AGO2: variants seen among roughly 807,000 people sequenced by gnomAD.
The protein encoded by AGO2 is protein argonaute-2.
A neutral mutation model predicts 102.3 loss-of-function variants in AGO2; 5 were observed. That is an observed-to-expected ratio of 0.05 (90% CI 0.03 to 0.10). The LOEUF is 0.10. Ranked by LOEUF, AGO2 falls within the 10% of genes least tolerant of loss-of-function variation. AGO2 has a pLI of 1.00. For missense variants in AGO2, 541 were observed against 1,183.7 expected (o/e 0.46, Z 7.97); for synonymous variants, 449 against 473.1 (o/e 0.95, Z 0.66).
chr8:140,590,402 G>A (rs1000643900), intron 1 of AGO2, among the ~76,000 whole-genome samples: 11 of 151,962 alleles, frequency 7.2e-5, no homozygotes, highest in Admixed American at 1.3e-4. Context: ...AAACACGGAC[G>A]CCGAGGAAGC....
In AGO2 at chr8:140,567,465, C is replaced by A. The variant is rs751541976; in HGVS notation, c.337-4831G>T. On this transcript the variant is annotated intron_variant, in intron 3 of 18. Transcript: ENST00000220592. The surrounding 1 kb of genome is among the most constrained non-coding windows in gnomAD (Gnocchi z 5.0). ...ATGACATCTGAAGGTCACTCCCAGC[C>A]CTGCTGCCTCCCGTGTTCTAACCTC... is the stretch of plus-strand genomic sequence containing the variant. Among the ~76,000 whole-genome samples the A allele has an allele frequency of 1.2e-4, 19 of 152,248 alleles. No individual in the cohort carries two copies. The highest frequency in any genetic ancestry group is 2.5e-4 in the Non-Finnish European group (17 of 68,046).
At chr8:140,547,761 G>T in intron 12 of AGO2, 134 bp from the exon 13 acceptor site, 1 of 1,253,656 alleles carries the variant, frequency 8.0e-7, no homozygotes, top group Non-Finnish European at 1.1e-6. Context: ...AGCTTTGCGT[G>T]TCCCCCTCTG....
At position 140,532,064 on chromosome 8, in the gene AGO2, G is replaced by A. The variant is rs1324425100; in HGVS notation, c.2560C>T (p.Arg854Cys). 2 of 1,614,022 alleles carry A rather than the reference G, an allele frequency of 1.2e-6. No homozygotes were observed. Among genetic ancestry groups the A allele is most frequent in the Non-Finnish European group, 1.7e-6 (2 of 1,180,012 alleles). Residue 854 changes from arginine (R) to cysteine (C), a missense_variant, in exon 19 of 19, where the codon CGC becomes TGC. Arg to Cys is a radical substitution (Grantham distance 180). Coordinates refer to ENST00000220592, the MANE Select transcript of AGO2 (RefSeq NM_012154.5). ...KAVQVHQDTLRTMYFA is the reference protein window; with the variant it reads ...KAVQVHQDTLCTMYFA ...ACATGTCAAGCAAAGTACATGGTGCGCAGAGTGTCTTGGTGAACCTGGACC... is the reference window on the plus strand; with the variant it reads ...ACATGTCAAGCAAAGTACATGGTGCACAGAGTGTCTTGGTGAACCTGGACC...
chr8:140,619,573 G>C (rs1475970988), intron 1 of AGO2, among the ~76,000 whole-genome samples: 1 of 152,180 alleles, frequency 6.6e-6, no homozygotes, highest in Non-Finnish European at 1.5e-5. Flanking sequence ...GCGCCGCAGA[G>C]CACAGAAGAG....
At chr8:140,598,421 T>A (rs2073880863) in intron 1 of AGO2, among the ~76,000 whole-genome samples, 1 of 152,262 alleles carries the variant, frequency 6.6e-6, no homozygotes, top group Non-Finnish European at 1.5e-5. Context: ...TTCGCAGCCA[T>A]CTTTCCTACG....
chr8:140,557,295 GC>G lies in AGO2; in HGVS notation c.879-60del. 1 of 1,529,470 alleles carries G rather than the reference GC, an allele frequency of 6.5e-7. No homozygotes were observed. The highest frequency in any genetic ancestry group is 1.4e-5 in the African/African-American group (1 of 72,296). 94.7% of individuals were successfully genotyped at this position (1,529,470 alleles called of 1,614,324 possible). The stretch of plus-strand genomic sequence containing the variant: ...ATCCCGGAGCCCCTTCCCCTGCGCT[GC>G]TTTTCATTTGCGTTTGCTTTTTAGG... On this transcript the variant is annotated intron_variant, in intron 7 of 18. Coordinates refer to ENST00000220592, the MANE Select transcript of AGO2 (RefSeq NM_012154.5). The surrounding 1 kb of genome is among the most constrained non-coding windows in gnomAD (Gnocchi z 5.9).
chr8:140,578,800 G>A (rs539758464), intron 2 of AGO2, among the ~76,000 whole-genome samples: 6 of 152,260 alleles, frequency 3.9e-5, no homozygotes, highest in East Asian at 1.9e-4. Flanking sequence ...AAAGGGCAGC[G>A]CCAAGCAGCA....
rs1160127903 is a variant in AGO2 at position 140,523,740 on chromosome 8, T to C, written c.*8304A>G. 1 of 152,224 alleles carries C rather than the reference T, an allele frequency of 6.6e-6. No homozygotes were observed. 9.4% of individuals were successfully genotyped at this position (152,224 alleles called of 1,614,324 possible). A position where few individuals can be genotyped will look rare whatever the true frequency, so the allele number is the denominator to read the frequency against. On this transcript the variant is annotated 3_prime_UTR_variant, in exon 19 of 19. Coordinates refer to ENST00000220592, the MANE Select transcript of AGO2 (RefSeq NM_012154.5). ...TAGGATTTGAGTCACGCGTGTCTGT[T>C]TGGCTTTGAAGAGGAACTGGGATGG...
intron 1 of AGO2, among the ~76,000 whole-genome samples, chr8:140,633,733 G>A (rs752442583): frequency 2.0e-5 from 3 of 152,182 alleles, no homozygotes; most frequent in Non-Finnish European, 4.4e-5. Context: ...AAGGCACCCA[G>A]AGAACCAGCT....
chr8:140,635,387 CCCCCCGAT>C, intron 1 of AGO2, 90 bp downstream of exon 1: 3 of 837,654 alleles, frequency 3.6e-6, no homozygotes, highest in Non-Finnish European at 4.3e-6. Flanking sequence ...GACCCCGCGG[CCCCCCGAT>C]CCCCGGCCCC....
chr8:140,615,684 G>A (rs2074133361), intron 1 of AGO2, among the ~76,000 whole-genome samples: 1 of 152,242 alleles, frequency 6.6e-6, no homozygotes, highest in Non-Finnish European at 1.5e-5. Context: ...CTTTTACCAC[G>A]CTCAAGGTGG....
chr8:140,634,644 A>G (rs1357179540), intron 1 of AGO2, among the ~76,000 whole-genome samples: 2 of 152,244 alleles, frequency 1.3e-5, no homozygotes, highest in Non-Finnish European at 2.9e-5. Flanking sequence ...GAACTTTTCC[A>G]GAGAAAGGCC....
intron 1 of AGO2, among the ~76,000 whole-genome samples, chr8:140,631,641 T>C (rs2152111675): frequency 6.6e-6 from 1 of 152,114 alleles, no homozygotes; most frequent in African/African-American, 2.4e-5. Flanking sequence ...GAGACCCAAA[T>C]GTGTGTGTGA....
At position 140,562,605 on chromosome 8, in the gene AGO2, T is replaced by C; in HGVS notation, c.366A>G (p.Glu122=). 3 of 1,613,824 alleles carry C rather than the reference T, an allele frequency of 1.9e-6. No individual in the cohort carries two copies. Among genetic ancestry groups the C allele is most frequent in the Non-Finnish European group, 2.5e-6 (3 of 1,179,902 alleles). The change falls in exon 4 of 19, where the codon GAA becomes GAG. Residue 122 remains glutamate, a synonymous_variant. Coordinates refer to ENST00000220592, the MANE Select transcript of AGO2 (RefSeq NM_012154.5). ...KVELEVTLPG[E]GKDRIFKVSI... ...ACACCTTGAAGATGCGATCCTTGCC[T>C]TCTCCTGGCAGCGTGACCTCCAGCT...
At position 140,559,534 on chromosome 8, in the gene AGO2, A is replaced by G. The variant is rs2073161356; in HGVS notation, c.656-5T>C. The G allele has an allele frequency of 1.2e-6, 2 of 1,613,862 alleles. No individual in the cohort carries two copies. The highest frequency in any genetic ancestry group is 2.7e-5 in the African/African-American group (2 of 74,858). On this transcript the variant is annotated splice_region_variant and splice_polypyrimidine_tract_variant and intron_variant, in intron 5 of 18. Coordinates refer to ENST00000220592, the MANE Select transcript of AGO2 (RefSeq NM_012154.5). ...TGTAAAACGCTGTTGCTGACACTGTAGGCGAGAAAAGAGGCAAAGGCCTAA... is the reference window on the plus strand; with the variant it reads ...TGTAAAACGCTGTTGCTGACACTGTGGGCGAGAAAAGAGGCAAAGGCCTAA...
At chr8:140,616,118 C>T (rs901756281) in intron 1 of AGO2, among the ~76,000 whole-genome samples, 1 of 152,174 alleles carries the variant, frequency 6.6e-6, no homozygotes, top group Admixed American at 6.5e-5. Context: ...TAACCAAGCC[C>T]GTGAGGCTCC....
intron 3 of AGO2, among the ~76,000 whole-genome samples, chr8:140,571,000 A>C (rs1223683046): frequency 6.6e-6 from 1 of 152,250 alleles, no homozygotes; most frequent in African/African-American, 2.4e-5. Flanking sequence ...TAAAACTATA[A>C]GTAAAAACAA....
rs1405802563 is a variant in AGO2, at chr8:140,532,513, G to A, written c.2374C>T (p.Arg792Cys). The part of the protein sequence containing the change: ...LTYQLCHTYV[R>C]CTRSVSIPAP... ...GGGATGGACACGGAGCGTGTGCAGC[G>A]CACGTAGGTGTGACACAGCTGGTAG... The change falls in exon 18 of 19, where the codon CGC (arginine) becomes TGC (cysteine). Residue 792 changes from arginine to cysteine, a missense_variant. Transcript: ENST00000220592. 6.2e-7 allele frequency: 1 copy of A among 1,614,280 alleles called. No homozygotes were observed. The highest frequency in any genetic ancestry group is 1.3e-5 in the African/African-American group (1 of 75,078).
At chr8:140,598,038 G>A (rs927509603) in intron 1 of AGO2, among the ~76,000 whole-genome samples, 5 of 152,216 alleles carry the variant, frequency 3.3e-5, no homozygotes, top group Non-Finnish European at 2.9e-5. Context: ...GTGCCAGGTC[G>A]AACACTGAGC....
Sources: gnomAD v4.1 joint callset for allele counts (sites outside exome capture counted in the v4.1 genomes callset) on GRCh38, gnomAD v4.1.1 for gene constraint, Gnocchi (gnomAD v3.1) non-coding constraint, MANE v1.5 for transcripts, NCBI Gene and HGNC (gene_info 2026-07-23, HGNC 2026-07-21) for gene names.